The following PKD1L1 variants were observed in gnomAD, a reference collection of about 807,000 sequenced individuals.
PKD1L1 encodes the protein polycystin 1 like 1, transient receptor potential channel interacting.
A neutral mutation model predicts 323.4 loss-of-function variants in PKD1L1; 236 were observed. The observed-to-expected ratio is 0.73, with a 90% CI of 0.66 to 0.81. PKD1L1 has a LOEUF of 0.81. PKD1L1 is among the 40% of genes least tolerant of loss of function. The pLI, the probability that PKD1L1 is intolerant of heterozygous loss-of-function variation, is 0.00. For synonymous variants in PKD1L1, 1,344 were observed against 1,335.0 expected, an observed-to-expected ratio of 1.01 and a Z score of -0.15; for missense variants, 3,320 against 3,508.0, an observed-to-expected ratio of 0.95 and a Z score of 1.35.
In PKD1L1 at chr7:47,886,011, G is replaced by A. The variant is rs78480673; in HGVS notation, c.2880C>T (p.Leu960=). The change falls in exon 18 of 57, where the codon CTC becomes CTT. Residue 960 remains leucine (L), a synonymous_variant. Coordinates refer to ENST00000289672, the MANE Select transcript of PKD1L1 (RefSeq NM_138295.5). ...RVVGLLGSLG[L]GAISESSQLN... ...ACTGTGATGACTCTGAAATGGCACC[G>A]AGTCCCAGCGAGCCAAGCAGCCCCA... The A allele has an allele frequency of 0.015, 23,709 of 1,614,092 alleles. 821 individuals are homozygous for A. Among genetic ancestry groups the A allele is most frequent in the African/African-American group, 0.14 (10,525 of 74,992 alleles).
At chr7:47,917,451 C>T (rs191534764) in intron 7 of PKD1L1, among the ~76,000 whole-genome samples, 41 of 152,158 alleles carry the variant, frequency 2.7e-4, no homozygotes, top group African/African-American at 9.2e-4. Context: ...TGCTAGAGAC[C>T]CAGACATCCA....
rs192334652 is a variant in PKD1L1 at position 47,933,187 on chromosome 7, T to C, written c.399-1131A>G. ...TCCACTTGAGCTAAACAATGACCTC[T>C]TGAAGCCACTTGCTATGTGGGTTCT... On this transcript the variant is annotated intron_variant, in intron 4 of 56. Coordinates refer to ENST00000289672, the MANE Select transcript of PKD1L1 (RefSeq NM_138295.5). 4.8e-4 allele frequency among the ~76,000 whole-genome samples: 73 copies of C among 152,110 alleles called. No individual in the cohort carries two copies. The East Asian group carries it at 0.012, about 25-fold the overall frequency.
Position 47,881,996 on chromosome 7 carries a change from A to G in PKD1L1, c.3355T>C (p.Ser1119Pro), listed in dbSNP as rs1337066672. ...DGDNLVDPSLSAGRAEPVLMI... is the reference protein window; with the variant it reads ...DGDNLVDPSLPAGRAEPVLMI... Reference sequence around the variant, plus strand: ...AGGACAGGCTCGGCTCTGCCTGCAGACAGGGAGGGGTCCACCAGGTTATCC... The same window carrying G: ...AGGACAGGCTCGGCTCTGCCTGCAGGCAGGGAGGGGTCCACCAGGTTATCC... The change falls in exon 20 of 57, where the codon TCT (serine) becomes CCT (proline). Residue 1119 changes from serine (S) to proline (P), a missense_variant. Coordinates refer to ENST00000289672, the MANE Select transcript of PKD1L1 (RefSeq NM_138295.5). 2 of 1,614,068 alleles carry G rather than the reference A, an allele frequency of 1.2e-6. No individual in the cohort carries two copies. Among genetic ancestry groups the G allele is most frequent in the East Asian group, 2.2e-5 (1 of 44,872 alleles).
intron 31 of PKD1L1, among the ~76,000 whole-genome samples, chr7:47,852,372 A>G (rs908999465): frequency 2.6e-5 from 4 of 152,366 alleles, no homozygotes; most frequent in African/African-American, 4.8e-5. Flanking sequence ...TTTGATGAGC[A>G]ATACAGTTTG....
chr7:47,880,284 A>ATATATATATATTTTTTTTTTTT (rs1225214936), intron 21 of PKD1L1, among the ~76,000 whole-genome samples: 1 of 56,782 alleles, frequency 1.8e-5, no homozygotes, highest in East Asian at 3.7e-4. Flanking sequence ...ATATATATAT[A>ATATATATATATTTTTTTTTTTT]TTTTTTTTTT....
At chr7:47,882,481 C>A (rs911586857) in intron 19 of PKD1L1, among the ~76,000 whole-genome samples, 6 of 152,018 alleles carry the variant, frequency 3.9e-5, no homozygotes, top group Non-Finnish European at 8.8e-5. Context: ...ATAATATAAA[C>A]TCAGGTAATG....
intron 1 of PKD1L1, among the ~76,000 whole-genome samples, chr7:47,943,759 G>A (rs760935059): frequency 1.3e-5 from 2 of 152,130 alleles, no homozygotes; most frequent in African/African-American, 2.4e-5. Context: ...AACAGCCTCC[G>A]AACAGATCCA....
intron 56 of PKD1L1, among the ~76,000 whole-genome samples, chr7:47,787,795 T>TTGA (rs1360202682): frequency 6.6e-6 from 1 of 152,150 alleles, no homozygotes; most frequent in Non-Finnish European, 1.5e-5. Flanking sequence ...CACTGCAGCC[T>TTGA]TGACCTCCTG....
At chr7:47,820,002 A>G (rs1785107012) in intron 46 of PKD1L1, among the ~76,000 whole-genome samples, 1 of 152,228 alleles carries the variant, frequency 6.6e-6, no homozygotes, top group East Asian at 1.9e-4. Context: ...TAACTCCTGG[A>G]ACACACTGAA....
chr7:47,879,947 A>T (rs776018382), intron 21 of PKD1L1, among the ~76,000 whole-genome samples: 51,597 of 147,026 alleles, frequency 0.35, 10,111 homozygotes, highest in African/African-American at 0.53. Flanking sequence ...AAAATAAAAA[A>T]TAAAAAAAAA....
In PKD1L1 at chr7:47,882,012, C is replaced by T. The variant is rs200527105; in HGVS notation, c.3339G>A (p.Leu1113=). 1 of 1,614,118 alleles carries T rather than the reference C, an allele frequency of 6.2e-7. No individual in the cohort carries two copies. The highest frequency in any genetic ancestry group is 2.2e-5 in the East Asian group (1 of 44,876). Residue 1113 remains leucine (L), a synonymous_variant, in exon 20 of 57, where the codon CTG becomes CTA. Coordinates refer to ENST00000289672, the MANE Select transcript of PKD1L1 (RefSeq NM_138295.5). ...AEESPGDGDN[L]VDPSLSAGRA... ...TGCCTGCAGACAGGGAGGGGTCCAC[C>T]AGGTTATCCCCATCTCCAGGGCTCT...
At chr7:47,864,697 C>T (rs1786121305) in intron 26 of PKD1L1, among the ~76,000 whole-genome samples, 1 of 141,340 alleles carries the variant, frequency 7.1e-6, no homozygotes, top group Non-Finnish European at 1.5e-5. Context: ...CCTCCCCTCC[C>T]CTCCCTTCCC....
chr7:47,882,975 C>T (rs537596488), intron 19 of PKD1L1, among the ~76,000 whole-genome samples: 46 of 152,190 alleles, frequency 3.0e-4, no homozygotes, highest in African/African-American at 1.0e-3. Context: ...TAAGGAGGCT[C>T]CTTTAAGACT....
chr7:47,838,894 A>AG (rs1397206127), intron 36 of PKD1L1, among the ~76,000 whole-genome samples: 10 of 151,522 alleles, frequency 6.6e-5, no homozygotes, highest in African/African-American at 1.2e-4. Context: ...AAAAAAAAAA[A>AG]AAAGAAAGAA....
intron 20 of PKD1L1, among the ~76,000 whole-genome samples, chr7:47,881,072 TGTTAG>T (rs1786544234): frequency 6.6e-6 from 1 of 152,050 alleles, no homozygotes. Flanking sequence ...AAGAGAATTC[TGTTAG>T]GATCTTATTT....
At chr7:47,941,019 T>TAA (rs1352590300) in intron 2 of PKD1L1, among the ~76,000 whole-genome samples, 1 of 152,174 alleles carries the variant, frequency 6.6e-6, no homozygotes, top group Non-Finnish European at 1.5e-5. Flanking sequence ...ATGTCCATAA[T>TAA]AAAAGTTAAA....
intron 15 of PKD1L1, among the ~76,000 whole-genome samples, 156 bp downstream of exon 15, chr7:47,893,722 C>T (rs1786872758): frequency 6.6e-6 from 1 of 152,250 alleles, no homozygotes; most frequent in Non-Finnish European, 1.5e-5. Context: ...TTCCTCAATT[C>T]CCTTATATTT....
At chr7:47,807,842 G>A (rs998251489) in intron 52 of PKD1L1, among the ~76,000 whole-genome samples, 17 of 152,168 alleles carry the variant, frequency 1.1e-4, no homozygotes, top group Non-Finnish European at 2.2e-4. Flanking sequence ...GTGAGCTTTG[G>A]TGTCTTCACT....
intron 20 of PKD1L1, among the ~76,000 whole-genome samples, chr7:47,881,049 T>C (rs951652127): frequency 2.6e-5 from 4 of 152,040 alleles, no homozygotes; most frequent in African/African-American, 9.7e-5. Flanking sequence ...ATGACACTAA[T>C]GTCCCAAGCA....
Sources: gnomAD v4.1 joint callset for allele counts (sites outside exome capture counted in the v4.1 genomes callset) on GRCh38, gnomAD v4.1.1 for gene constraint, MANE v1.5 for transcripts, NCBI Gene and HGNC (gene_info 2026-07-23, HGNC 2026-07-21) for gene names.